The following PLCG2 variants were observed in gnomAD, a reference collection of about 807,000 sequenced individuals.
The protein encoded by PLCG2 is phospholipase C gamma 2, also known as 1-phosphatidylinositol 4,5-bisphosphate phosphodiesterase gamma-2.
A neutral mutation model predicts 175.6 loss-of-function variants in PLCG2; 69 were observed. The observed-to-expected ratio is 0.39, with a 90% confidence interval of 0.32 to 0.48. The LOEUF is 0.48. PLCG2 is among the 20% of genes least tolerant of loss of function. PLCG2 has a pLI of 0.91. For missense variants in PLCG2, 1,798 were observed against 1,650.9 expected, an observed-to-expected ratio of 1.09 and a Z score of -1.54; for synonymous variants, 827 against 624.0, an observed-to-expected ratio of 1.33 and a Z score of -4.85.
chr16:81,795,587 A>G (rs1373578210), intron 2 of PLCG2, among the ~76,000 whole-genome samples: 1 of 152,114 alleles, frequency 6.6e-6, no homozygotes, highest in African/African-American at 2.4e-5. Context: ...CTACCGCAGG[A>G]TCCTTTGTGT....
intron 2 of PLCG2, among the ~76,000 whole-genome samples, chr16:81,845,176 A>C (rs1906048574): frequency 6.6e-6 from 1 of 152,072 alleles, no homozygotes; most frequent in South Asian, 2.1e-4. Flanking sequence ...TCTGGTTTCA[A>C]ATGATCCTCC....
intron 1 of PLCG2, among the ~76,000 whole-genome samples, chr16:81,743,588 G>A (rs1222125341): frequency 3.3e-5 from 5 of 152,216 alleles, no homozygotes; most frequent in Admixed American, 2.0e-4. Flanking sequence ...TGCACCCTGA[G>A]CTGATGAGAA....
At chr16:81,915,980 C>G (rs934321119) in intron 19 of PLCG2, among the ~76,000 whole-genome samples, 1 of 152,078 alleles carries the variant, frequency 6.6e-6, no homozygotes, top group Non-Finnish European at 1.5e-5. Context: ...TGTGTCCATC[C>G]AGACATTTAA....
At chr16:81,741,161 C>T (rs1379059758) in intron 1 of PLCG2, among the ~76,000 whole-genome samples, 1 of 152,060 alleles carries the variant, frequency 6.6e-6, no homozygotes, top group African/African-American at 2.4e-5. Flanking sequence ...GGAGGTGGGT[C>T]CTCCAGGTCT....
intron 2 of PLCG2, among the ~76,000 whole-genome samples, chr16:81,807,217 G>A (rs1049793688): frequency 2.2e-4 from 34 of 152,248 alleles, no homozygotes; most frequent in Non-Finnish European, 2.9e-4. Flanking sequence ...TTGTCCCAGC[G>A]GTGTCCTCCT....
chr16:81,907,009 G>T (rs1424988062), intron 15 of PLCG2, among the ~76,000 whole-genome samples: 4 of 138,704 alleles, frequency 2.9e-5, no homozygotes, highest in Admixed American at 2.3e-4. Context: ...CTGCACTCCA[G>T]CCTGGTGAGA....
intron 19 of PLCG2, among the ~76,000 whole-genome samples, chr16:81,916,454 T>C (rs935650429): frequency 1.4e-4 from 22 of 152,290 alleles, no homozygotes; most frequent in Non-Finnish European, 4.4e-5. Flanking sequence ...TCTAGATGCT[T>C]TTCCTAATTT....
Position 81,938,901 on chromosome 16 carries a change from A to C in PLCG2, c.3299A>C (p.Lys1100Thr). The C allele has an allele frequency of 6.2e-7, 1 of 1,606,912 alleles. No homozygotes were observed. Among genetic ancestry groups the C allele is most frequent in the Non-Finnish European group, 8.5e-7 (1 of 1,173,934 alleles). The change falls in exon 29 of 33, where the codon AAG becomes ACG. Residue 1100 changes from lysine (K) to threonine (T), a missense_variant. By Grantham distance (78) the Lys-to-Thr change is moderately conservative. Transcript: ENST00000564138. ...CGAEYDNNKF[K>T]TTVVNDNGLS... is the part of the protein sequence containing the mutation. ...GCCGAGTATGACAACAACAAGTTCA[A>C]GACGACGGTTGTGAGTAAGTCAGTC... is the stretch of plus-strand genomic sequence containing the variant.
intron 1 of PLCG2, among the ~76,000 whole-genome samples, chr16:81,747,678 A>C (rs1909731250): frequency 6.6e-6 from 1 of 152,206 alleles, no homozygotes; most frequent in African/African-American, 2.4e-5. Flanking sequence ...TAAAATAATA[A>C]GGTGCAACAT....
intron 2 of PLCG2, among the ~76,000 whole-genome samples, chr16:81,792,872 G>A (rs1490850466): frequency 6.6e-6 from 1 of 152,160 alleles, no homozygotes; most frequent in African/African-American, 2.4e-5. Flanking sequence ...GACCATATCA[G>A]CCACTTACTA....
At chr16:81,893,400 T>C (rs541730042) in intron 11 of PLCG2, among the ~76,000 whole-genome samples, 4 of 151,946 alleles carry the variant, frequency 2.6e-5, no homozygotes, top group African/African-American at 9.6e-5. Context: ...CTTCTGCAGC[T>C]TTTTTTGCTT....
Position 81,864,439 on chromosome 16 carries a change from A to G in PLCG2, c.480-4775A>G, listed in dbSNP as rs533331015. Among the ~76,000 whole-genome samples, 21 of 152,350 alleles carry G rather than the reference A, an allele frequency of 1.4e-4. No individual in the cohort carries two copies. The East Asian group carries it at 3.9e-3, about 28-fold the overall frequency. On this transcript the variant is annotated intron_variant, in intron 5 of 32. Coordinates refer to ENST00000564138, the MANE Select transcript of PLCG2 (RefSeq NM_002661.5). ...TAGCAGCTACTACCTCAGACAGCAC[A>G]GATGTCTCCATCATTGTTGAAAGTT...
chr16:81,946,296 G>C (rs1597150827), intron 31 of PLCG2, 33 bp downstream of exon 31: 1 of 1,490,988 alleles, frequency 6.7e-7, no homozygotes, highest in Non-Finnish European at 9.4e-7. Flanking sequence ...AGGGTTCCCT[G>C]AGCTATGCCT....
intron 27 of PLCG2, among the ~76,000 whole-genome samples, chr16:81,937,021 G>A (rs1160793117): frequency 1.3e-5 from 2 of 152,190 alleles, no homozygotes; most frequent in Non-Finnish European, 2.9e-5. Flanking sequence ...CCATTCCACA[G>A]ATGTAGGAAT....
At chr16:81,793,466 G>C (rs1911329231) in intron 2 of PLCG2, among the ~76,000 whole-genome samples, 1 of 152,152 alleles carries the variant, frequency 6.6e-6, no homozygotes, top group Non-Finnish European at 1.5e-5. Flanking sequence ...GGAATTTTAG[G>C]GTCGGCTGTG....
chr16:81,755,505 TTCAGCCTGTTTCTTTAACG>T (rs1200564886), intron 1 of PLCG2, among the ~76,000 whole-genome samples: 1 of 144,584 alleles, frequency 6.9e-6, no homozygotes, highest in African/African-American at 2.6e-5. Context: ...CAAACCTGGC[TTCAGCCTGTTTCTTTAACG>T]TCAGCTTCTC....
chr16:81,803,017 C>A (rs1911805661), intron 2 of PLCG2, among the ~76,000 whole-genome samples: 1 of 151,992 alleles, frequency 6.6e-6, no homozygotes, highest in Non-Finnish European at 1.5e-5. Flanking sequence ...CTCTACTTTA[C>A]TTTCCCCCAT....
chr16:81,889,765 G>A (rs374898208), intron 10 of PLCG2, among the ~76,000 whole-genome samples: 20 of 151,876 alleles, frequency 1.3e-4, no homozygotes, highest in African/African-American at 4.6e-4. Flanking sequence ...AGTGATTCTC[G>A]TGCCTCAGCC....
At chr16:81,741,954 A>C (rs931669493) in intron 1 of PLCG2, among the ~76,000 whole-genome samples, 1 of 152,192 alleles carries the variant, frequency 6.6e-6, no homozygotes, top group Non-Finnish European at 1.5e-5. Flanking sequence ...TTCACCCTAC[A>C]GTGATGCAGA....
Sources: allele counts gnomAD v4.1 joint callset (sites outside exome capture counted in the v4.1 genomes callset), GRCh38; gene constraint gnomAD v4.1.1; transcripts MANE v1.5; gene names NCBI Gene and HGNC (gene_info 2026-07-23, HGNC 2026-07-21).